Variants in PXDNL observed in about 807,000 individuals in gnomAD.
PXDNL encodes the protein peroxidasin like, also known as probable oxidoreductase PXDNL.
Under a neutral mutation model 150.8 loss-of-function variants are expected in PXDNL, and 145 were observed. The observed-to-expected ratio is 0.96, with a 90% confidence interval of 0.84 to 1.10. The LOEUF (loss-of-function observed/expected upper bound fraction) is 1.10, where lower values mean the gene tolerates loss of function less well. PXDNL is among the 50% of genes least tolerant of loss of function. The pLI is 0.00. For missense variants in PXDNL, 2,087 were observed against 1,873.9 expected, an observed-to-expected ratio of 1.11 and a Z score of -2.10; for synonymous variants, 757 against 725.7, an observed-to-expected ratio of 1.04 and a Z score of -0.69.
intron 4 of PXDNL, among the ~76,000 whole-genome samples, chr8:51,512,719 G>A (rs374959245): frequency 6.6e-6 from 1 of 152,202 alleles, no homozygotes. Context: ...CCTCGCCAAG[G>A]ACAAAGTTTC....
chr8:51,501,597 A>G (rs1248516072), intron 4 of PXDNL, among the ~76,000 whole-genome samples: 2 of 150,584 alleles, frequency 1.3e-5, no homozygotes, highest in Non-Finnish European at 3.0e-5. Context: ...CACTCACCTA[A>G]TCTCACACAC....
At chr8:51,334,508 CA>C (rs1427611070) in intron 21 of PXDNL, among the ~76,000 whole-genome samples, 2 of 151,832 alleles carry the variant, frequency 1.3e-5, no homozygotes, top group Non-Finnish European at 2.9e-5. Context: ...AAAAAAAGTA[CA>C]AAAGATAAGT....
chr8:51,737,497 C>T (rs997134536), intron 1 of PXDNL, among the ~76,000 whole-genome samples: 1 of 152,212 alleles, frequency 6.6e-6, no homozygotes, highest in African/African-American at 2.4e-5. Context: ...AAGGAATGAG[C>T]ACCCTGCTCC....
At chr8:51,712,831 A>T (rs546368515) in intron 1 of PXDNL, among the ~76,000 whole-genome samples, 16 of 152,290 alleles carry the variant, frequency 1.1e-4, no homozygotes, top group African/African-American at 3.6e-4. Flanking sequence ...AATACTTCTA[A>T]TACCTTATGA....
chr8:51,418,260 C>T (rs978178049), intron 14 of PXDNL, among the ~76,000 whole-genome samples: 3 of 152,002 alleles, frequency 2.0e-5, no homozygotes, highest in Admixed American at 6.6e-5. Context: ...AAATAGAAAA[C>T]AAAATTAAAA....
chr8:51,461,649 C>T (rs924411115), intron 8 of PXDNL, among the ~76,000 whole-genome samples: 5 of 152,202 alleles, frequency 3.3e-5, no homozygotes, highest in African/African-American at 1.2e-4. Context: ...GACCAGTGGG[C>T]CCCTAGGGAG....
At chr8:51,745,720 G>A (rs1178500084) in intron 1 of PXDNL, among the ~76,000 whole-genome samples, 16 of 151,000 alleles carry the variant, frequency 1.1e-4, no homozygotes, top group Admixed American at 1.1e-3. Flanking sequence ...ACTCTTCCAA[G>A]AGTCATGGCA....
At position 51,544,359 on chromosome 8, in the gene PXDNL, G is replaced by T. The variant is rs571446817; in HGVS notation, c.380+12481C>A. On this transcript the variant is annotated intron_variant, in intron 4 of 22. Transcript: ENST00000356297. ...CATCCATTTTCTTTCATAAAAATTC[G>T]ATGATTATAATTCTTACAAGATGAT... Among the ~76,000 whole-genome samples, 17 of 152,194 alleles carry T rather than the reference G, an allele frequency of 1.1e-4. 1 individual carries two copies. Among genetic ancestry groups the T allele is most frequent in the African/African-American group, 3.9e-4 (16 of 41,522 alleles).
chr8:51,796,397 GA>G (rs1206810631), intron 1 of PXDNL, among the ~76,000 whole-genome samples: 2 of 144,878 alleles, frequency 1.4e-5, no homozygotes, highest in Non-Finnish European at 3.0e-5. Flanking sequence ...CTGGTGTTTT[GA>G]AAAAAAAATT....
At position 51,809,297 on chromosome 8, in the gene PXDNL, C is replaced by T. The variant is rs1350723256; in HGVS notation, c.48G>A (p.Gly16=). Reference sequence around the variant, plus strand: ...GGCAGGGCAACCCTGGCAGGCACCACCCGGCCAGGAGAAAGAGAGTGGTCC... The same window carrying T: ...GGCAGGGCAACCCTGGCAGGCACCATCCGGCCAGGAGAAAGAGAGTGGTCC... ...FCWTTLFLLA[G]WCLPGLPCPS... Residue 16 remains glycine, a synonymous_variant, in exon 1 of 23, where the codon GGG becomes GGA. Coordinates refer to ENST00000356297, the MANE Select transcript of PXDNL (RefSeq NM_144651.5). 2.5e-6 allele frequency: 4 copies of T among 1,583,096 alleles called. No homozygotes were observed. The highest frequency in any genetic ancestry group is 1.3e-5 in the African/African-American group (1 of 74,270).
intron 19 of PXDNL, among the ~76,000 whole-genome samples, chr8:51,350,354 C>CTTTTTTTTTTTTTTTTTTTTTT (rs1163628780): frequency 1.3e-5 from 1 of 77,894 alleles, no homozygotes; most frequent in Non-Finnish European, 2.2e-5. Flanking sequence ...AATGCAGCTT[C>CTTTTTTTTTTTTTTTTTTTTTT]TTTTTTTTTT....
At chr8:51,737,995 C>T (rs763419933) in intron 1 of PXDNL, among the ~76,000 whole-genome samples, 5 of 152,162 alleles carry the variant, frequency 3.3e-5, no homozygotes, top group African/African-American at 7.2e-5. Flanking sequence ...CCTCTAGTCA[C>T]GCAGATGACT....
intron 3 of PXDNL, among the ~76,000 whole-genome samples, chr8:51,577,296 A>G (rs1813076591): frequency 6.6e-6 from 1 of 151,738 alleles, no homozygotes; most frequent in Non-Finnish European, 1.5e-5. Context: ...ATTATACTCC[A>G]TAATATAGGG....
chr8:51,796,280 T>A, intron 1 of PXDNL, among the ~76,000 whole-genome samples: 1 of 134,078 alleles, frequency 7.5e-6, no homozygotes, highest in Admixed American at 7.4e-5. Context: ...AGAGTGGAAA[T>A]GAAAGGAATA....
intron 2 of PXDNL, among the ~76,000 whole-genome samples, chr8:51,594,663 A>G (rs191347670): frequency 3.9e-5 from 6 of 152,318 alleles, no homozygotes; most frequent in Non-Finnish European, 1.5e-5. Context: ...ACTCATTAAA[A>G]TGGTTCACAG....
intron 1 of PXDNL, among the ~76,000 whole-genome samples, chr8:51,734,130 T>G (rs1816988953): frequency 6.6e-6 from 1 of 152,046 alleles, no homozygotes; most frequent in East Asian, 1.9e-4. Flanking sequence ...ATGCGGAGCT[T>G]TGAAAGATCA....
chr8:51,736,905 G>A (rs1207205472), intron 1 of PXDNL, among the ~76,000 whole-genome samples: 2 of 152,022 alleles, frequency 1.3e-5, no homozygotes, highest in Admixed American at 1.3e-4. Context: ...TATATACAAA[G>A]TTTTAAGGTT....
intron 1 of PXDNL, among the ~76,000 whole-genome samples, chr8:51,700,568 ATATATACC>A (rs59979938): frequency 6.2e-5 from 4 of 65,034 alleles, no homozygotes; most frequent in Non-Finnish European, 1.3e-4. Context: ...ACACATTTAC[ATATATACC>A]CATATACACA....
chr8:51,389,059 C>A (rs1315883482), intron 17 of PXDNL, among the ~76,000 whole-genome samples: 1 of 151,980 alleles, frequency 6.6e-6, no homozygotes, highest in Non-Finnish European at 1.5e-5. Flanking sequence ...TTCATTTATT[C>A]TCATTGCTGA....
Sources: allele counts gnomAD v4.1 joint callset (sites outside exome capture counted in the v4.1 genomes callset), GRCh38; gene constraint gnomAD v4.1.1; transcripts MANE v1.5; gene names NCBI Gene and HGNC (gene_info 2026-07-23, HGNC 2026-07-21).